Variants in TNFRSF10A observed in about 807,000 individuals in gnomAD.
TNFRSF10A encodes TNF receptor superfamily member 10a, also known as tumor necrosis factor receptor superfamily member 10A.
A neutral mutation model predicts 42.8 loss-of-function variants in TNFRSF10A; 44 were observed. That is an observed-to-expected ratio of 1.03 (90% confidence interval 0.81 to 1.32). TNFRSF10A has a LOEUF of 1.32. Ranked by LOEUF, TNFRSF10A falls within the 40% of genes most tolerant of loss-of-function variation. The probability of loss-of-function intolerance (pLI) is 0.00; values close to 1 mark genes in which losing one functional copy is unlikely to be tolerated. For synonymous variants in TNFRSF10A, 259 were observed against 234.2 expected, an observed-to-expected ratio of 1.11 and a Z score of -0.97; for missense variants, 680 against 602.0, an observed-to-expected ratio of 1.13 and a Z score of -1.36.
At chr8:23,197,002 C>T in intron 9 of TNFRSF10A, 130 bp downstream of exon 9, 1 of 1,209,820 alleles carries the variant, frequency 8.3e-7, no homozygotes, top group Admixed American at 1.7e-5. Flanking sequence ...TCTTGATGGT[C>T]TATAGCATAG....
chr8:23,212,833 A>G (rs1389874320), intron 1 of TNFRSF10A, among the ~76,000 whole-genome samples: 1 of 152,232 alleles, frequency 6.6e-6, no homozygotes, highest in Non-Finnish European at 1.5e-5. Flanking sequence ...GTGAAAGACT[A>G]AAGGTTTTTT....
At chr8:23,212,263 T>G in intron 1 of TNFRSF10A, 51 bp from the exon 2 acceptor site, 1 of 1,487,704 alleles carries the variant, frequency 6.7e-7, no homozygotes, top group South Asian at 1.1e-5. Flanking sequence ...ATCTCACCCA[T>G]TACAAGATCA....
rs576581037 is a variant in TNFRSF10A, at chr8:23,212,469, C to G, written c.307-257G>C. On this transcript the variant is annotated intron_variant, in intron 1 of 9. Coordinates refer to ENST00000221132, the MANE Select transcript of TNFRSF10A (RefSeq NM_003844.4). Reference sequence around the variant, plus strand: ...CATACTTCATATAAATGGAGACATACAGTATTTTATGGTTTTCTTGAGGCT... The same window carrying G: ...CATACTTCATATAAATGGAGACATAGAGTATTTTATGGTTTTCTTGAGGCT... Among the ~76,000 whole-genome samples, 7 of 152,318 alleles carry G rather than the reference C, an allele frequency of 4.6e-5. No homozygotes were observed. In the South Asian group the frequency reaches 1.4e-3, roughly 32 times the overall value.
chr8:23,195,517 T>G (rs1461451982), intron 9 of TNFRSF10A, among the ~76,000 whole-genome samples: 4 of 150,272 alleles, frequency 2.7e-5, no homozygotes, highest in Admixed American at 2.7e-4. Context: ...TAACAACGTT[T>G]TCTTTTACAA....
chr8:23,217,490 A>C (rs1308546511), intron 1 of TNFRSF10A, among the ~76,000 whole-genome samples: 3 of 152,140 alleles, frequency 2.0e-5, no homozygotes, highest in Admixed American at 6.5e-5. Flanking sequence ...TGCTGGGATT[A>C]CAGGGGTGAG....
intron 2 of TNFRSF10A, among the ~76,000 whole-genome samples, chr8:23,208,010 G>A (rs1169507166): frequency 4.6e-5 from 7 of 152,252 alleles, no homozygotes; most frequent in Admixed American, 2.0e-4. Flanking sequence ...AACAGGCAGA[G>A]GTTGGAACAG....
intron 1 of TNFRSF10A, among the ~76,000 whole-genome samples, chr8:23,213,510 C>T (rs920269356): frequency 6.7e-5 from 9 of 134,438 alleles, no homozygotes; most frequent in Non-Finnish European, 1.2e-4. Flanking sequence ...TGCAGTGGTG[C>T]GATCTTGGCT....
chr8:23,198,584 C>T (rs1228418139), intron 8 of TNFRSF10A, among the ~76,000 whole-genome samples: 1 of 151,184 alleles, frequency 6.6e-6, no homozygotes, highest in Non-Finnish European at 1.5e-5. Context: ...AAGAAATGTT[C>T]GTTTAAAACA....
rs20577 is a variant in TNFRSF10A at position 23,224,964 on chromosome 8, G to A, written c.98C>T (p.Thr33Ile). 0.013 allele frequency: 21,292 copies of A among 1,600,150 alleles called. 2,537 individuals are homozygous for A. In the African/African-American group the frequency reaches 0.25, roughly 19 times the overall value. ...AASGTEAAAA[T>I]PSKVWGSSAG... ...GGAAGAGCCCCACACTTTGCTGGGT[G>A]TGGCCGCGGCTGCCTCTGTCCCACT... Residue 33 changes from threonine to isoleucine, a missense_variant, in exon 1 of 10, where the codon ACA becomes ATA. By Grantham distance (89) the Thr-to-Ile change is moderately conservative. Transcript: ENST00000221132.
chr8:23,200,360 GA>G (rs1800889201), intron 6 of TNFRSF10A, 144 bp downstream of exon 6: 1 of 888,428 alleles, frequency 1.1e-6, no homozygotes, highest in South Asian at 1.5e-5. Flanking sequence ...CACAGGATGG[GA>G]GGATGGGGGG....
In TNFRSF10A at chr8:23,224,768, C is replaced by A. The variant is rs751016584; in HGVS notation, c.294G>T (p.Gly98=). The part of the protein sequence containing the change: ...VHKTFKFVVV[G]VLLQVVPSSA... The stretch of plus-strand genomic sequence containing the variant: ...GGTGGGGACTCACCTGCAGCAGGAC[C>A]CCGACGACGACAAACTTGAAGGTCT... Residue 98 remains glycine (G), a synonymous_variant, in exon 1 of 10, where the codon GGG becomes GGT. Coordinates refer to ENST00000221132, the MANE Select transcript of TNFRSF10A (RefSeq NM_003844.4). 9 of 1,567,244 alleles carry A rather than the reference C, an allele frequency of 5.7e-6. No individual in the cohort carries two copies. In the South Asian group the frequency reaches 1.1e-4, roughly 18 times the overall value.
intron 1 of TNFRSF10A, among the ~76,000 whole-genome samples, chr8:23,219,311 G>T (rs1236232624): frequency 1.3e-5 from 2 of 150,134 alleles, no homozygotes; most frequent in African/African-American, 4.9e-5. Context: ...GAGCCCAGTG[G>T]TGGCCTCAGC....
chr8:23,213,436 C>CTTTTTTTTTTT lies in TNFRSF10A; in HGVS notation c.307-1235_307-1225dup, dbSNP rs58691757. Among the ~76,000 whole-genome samples the CTTTTTTTTTTT allele has an allele frequency of 8.6e-3, 592 of 68,578 alleles. 66 individuals are homozygous for CTTTTTTTTTTT. The highest frequency in any genetic ancestry group is 0.012 in the Non-Finnish European group (471 of 38,108). 45.0% of individuals were successfully genotyped at this position (68,578 alleles called of 152,430 possible). A position where few individuals can be genotyped will look rare whatever the true frequency, so the allele number is the denominator to read the frequency against. On this transcript the variant is annotated intron_variant, in intron 1 of 9. Transcript: ENST00000221132. ...GCTGGTTTGGGCTTAGTTTGCTCCTCTTTTTTTTTTTTTTTTTTTTTTTTT... is the reference window on the plus strand; with the variant it reads ...GCTGGTTTGGGCTTAGTTTGCTCCTCTTTTTTTTTTTTTTTTTTTTTTTTTTTTTTTTTTTT...
intron 1 of TNFRSF10A, among the ~76,000 whole-genome samples, 187 bp from the exon 2 acceptor site, chr8:23,212,399 G>A (rs539935663): frequency 2.0e-5 from 3 of 152,172 alleles, no homozygotes; most frequent in African/African-American, 7.2e-5. Context: ...CCAGCCTGTG[G>A]CAACTACCAT....
At chr8:23,213,105 C>T (rs1367752880) in intron 1 of TNFRSF10A, among the ~76,000 whole-genome samples, 1 of 152,162 alleles carries the variant, frequency 6.6e-6, no homozygotes, top group Non-Finnish European at 1.5e-5. Flanking sequence ...TCTATTTCTT[C>T]ATGATTGAAT....
At chr8:23,205,609 T>C (rs757454393) in intron 2 of TNFRSF10A, among the ~76,000 whole-genome samples, 3 of 152,110 alleles carry the variant, frequency 2.0e-5, no homozygotes, top group Non-Finnish European at 4.4e-5. Context: ...GCTCCATGTG[T>C]GTCTGCCCCT....
chr8:23,201,183 A>G (rs374861998), intron 4 of TNFRSF10A, among the ~76,000 whole-genome samples: 1 of 152,188 alleles, frequency 6.6e-6, no homozygotes, highest in African/African-American at 2.4e-5. Flanking sequence ...CAATCACAGC[A>G]AACACTGGAG....
intron 8 of TNFRSF10A, among the ~76,000 whole-genome samples, chr8:23,198,585 G>A (rs1390874826): frequency 2.6e-5 from 4 of 151,626 alleles, no homozygotes; most frequent in Non-Finnish European, 4.4e-5. Context: ...AGAAATGTTC[G>A]TTTAAAACAA....
chr8:23,201,863 G>C lies in TNFRSF10A; in HGVS notation c.574C>G (p.Pro192Ala). 6.2e-7 allele frequency: 1 copy of C among 1,614,186 alleles called. No individual in the cohort carries two copies. The highest frequency in any genetic ancestry group is 8.5e-7 in the Non-Finnish European group (1 of 1,180,036). Residue 192 changes from proline (P) to alanine (A), a missense_variant, in exon 4 of 10, where the codon CCA becomes GCA. Coordinates refer to ENST00000221132, the MANE Select transcript of TNFRSF10A (RefSeq NM_003844.4). ...TTRNTACQCK[P>A]GTFRNDNSAE... Reference sequence around the variant, plus strand: ...GAATTGTCATTCCGGAAAGTTCCTGGTTTGCACTGACATGCTGTGTTCCTG... The same window carrying C: ...GAATTGTCATTCCGGAAAGTTCCTGCTTTGCACTGACATGCTGTGTTCCTG...
Sources: gnomAD v4.1 joint callset for allele counts (sites outside exome capture counted in the v4.1 genomes callset) on GRCh38, gnomAD v4.1.1 for gene constraint, MANE v1.5 for transcripts, NCBI Gene and HGNC (gene_info 2026-07-23, HGNC 2026-07-21) for gene names.